The following FHIP1B variants were observed in gnomAD, a reference collection of about 807,000 sequenced individuals.
The protein encoded by FHIP1B is FHF complex subunit HOOK-interacting protein 1B.
Under a neutral mutation model 82.2 loss-of-function variants are expected in FHIP1B, and 28 were observed. That is an observed-to-expected ratio of 0.34 (90% CI 0.25 to 0.47). The LOEUF is 0.47. Among genes scored for constraint, FHIP1B ranks in the 20% least tolerant of loss-of-function variants. FHIP1B has a pLI of 1.00. For missense variants in FHIP1B, 1,110 were observed against 1,262.6 expected (o/e 0.88, Z 1.83); for synonymous variants, 585 against 516.1 (o/e 1.13, Z -1.81).
intron 7 of FHIP1B, 77 bp downstream of exon 7, chr11:6,218,894 T>A: frequency 1.3e-6 from 2 of 1,569,476 alleles, no homozygotes; most frequent in South Asian, 1.1e-5. Context: ...AACCCCTATA[T>A]AGCCCATTGC....
At chr11:6,231,638 T>A (rs1241470299) in intron 1 of FHIP1B, among the ~76,000 whole-genome samples, 1 of 151,792 alleles carries the variant, frequency 6.6e-6, no homozygotes, top group East Asian at 1.9e-4. Flanking sequence ...ACCTGGCTAA[T>A]TTTTGGTGGG....
At chr11:6,219,547 T>C (rs1014616099) in intron 6 of FHIP1B, among the ~76,000 whole-genome samples, 1 of 152,108 alleles carries the variant, frequency 6.6e-6, no homozygotes, top group Non-Finnish European at 1.5e-5. Flanking sequence ...AAACATGAAG[T>C]CTGAGTCACC....
At chr11:6,218,260 A>C in intron 8 of FHIP1B, 110 bp from the exon 9 acceptor site, 1 of 1,416,674 alleles carries the variant, frequency 7.1e-7, no homozygotes. Flanking sequence ...GAAACATGGA[A>C]TCTATTCAGA....
chr11:6,216,162 A>G (rs1338067595), intron 9 of FHIP1B, among the ~76,000 whole-genome samples: 1 of 152,256 alleles, frequency 6.6e-6, no homozygotes, highest in Non-Finnish European at 1.5e-5. Context: ...AACAGAGCAG[A>G]GGCTAAATAA....
chr11:6,218,896 G>T (rs551678500), intron 7 of FHIP1B, 75 bp downstream of exon 7: 2 of 1,554,132 alleles, frequency 1.3e-6, no homozygotes, highest in Non-Finnish European at 1.8e-6. Flanking sequence ...CCCCTATATA[G>T]CCCATTGCCC....
intron 1 of FHIP1B, among the ~76,000 whole-genome samples, chr11:6,229,163 C>G (rs986231728): frequency 7.9e-5 from 12 of 152,130 alleles, no homozygotes; most frequent in Non-Finnish European, 1.3e-4. Context: ...GACAATCAAA[C>G]AAGAATAATA....
chr11:6,214,995 C>T, intron 9 of FHIP1B, 84 bp from the exon 10 acceptor site: 1 of 1,294,840 alleles, frequency 7.7e-7, no homozygotes. Context: ...AACAAGAGAC[C>T]CCCACCAGAT....
chr11:6,213,836 T>C (rs1486454369), intron 11 of FHIP1B, among the ~76,000 whole-genome samples: 3 of 152,046 alleles, frequency 2.0e-5, no homozygotes, highest in Non-Finnish European at 2.9e-5. Context: ...TCTTTTCTCC[T>C]AGCTTGACTG....
chr11:6,224,317 A>G (rs1590628441), intron 2 of FHIP1B, 62 bp downstream of exon 2: 1 of 1,614,204 alleles, frequency 6.2e-7, no homozygotes, highest in South Asian at 1.1e-5. Context: ...TGAGGAGAAT[A>G]TAGAAGGCTG....
At chr11:6,224,286 T>C (rs755922742) in intron 2 of FHIP1B, 38 bp from the exon 3 acceptor site, 1 of 1,613,568 alleles carries the variant, frequency 6.2e-7, no homozygotes, top group South Asian at 1.1e-5. Flanking sequence ...GAATCTAAAT[T>C]GATAAGGTTA....
At chr11:6,217,327 T>G (rs370706455) in intron 9 of FHIP1B, 44 bp downstream of exon 9, 2 of 1,558,990 alleles carry the variant, frequency 1.3e-6, no homozygotes, top group Non-Finnish European at 1.8e-6. Flanking sequence ...GTCGAGAACA[T>G]GCAAAGAGTA....
At position 6,217,939 on chromosome 11, in the gene FHIP1B, G is replaced by A. The variant is rs769501783; in HGVS notation, c.1647C>T (p.Asp549=). 2 of 1,612,872 alleles carry A rather than the reference G, an allele frequency of 1.2e-6. No individual in the cohort carries two copies. The highest frequency in any genetic ancestry group is 1.7e-6 in the Non-Finnish European group (2 of 1,180,034). Residue 549 remains aspartate, a synonymous_variant, in exon 9 of 12, where the codon GAC becomes GAT. Transcript: ENST00000449352. The part of the protein sequence containing the change: ...TPAEEPGELE[D]NYLEYLREAR... ...CCTCACGCAGATACTCCAGGTAATT[G>A]TCTTCCAGCTCTCCAGGCTCCTCTG...
At chr11:6,218,524 T>G in intron 8 of FHIP1B, 76 bp downstream of exon 8, 2 of 1,582,392 alleles carry the variant, frequency 1.3e-6, no homozygotes, top group Non-Finnish European at 1.7e-6. Context: ...CCCCAGCCCC[T>G]CCTTGCTACG....
intron 1 of FHIP1B, among the ~76,000 whole-genome samples, chr11:6,224,910 G>T (rs1332599451): frequency 6.6e-6 from 1 of 152,174 alleles, no homozygotes; most frequent in Non-Finnish European, 1.5e-5. Flanking sequence ...AAAAGAAAAT[G>T]ATACCAAAAT....
At position 6,218,975 on chromosome 11, in the gene FHIP1B, G is replaced by A. The variant is rs1590617935; in HGVS notation, c.1267C>T (p.Leu423Phe). The A allele has an allele frequency of 3.1e-6, 5 of 1,613,942 alleles. No individual in the cohort carries two copies. The highest frequency in any genetic ancestry group is 4.2e-6 in the Non-Finnish European group (5 of 1,179,898). Residue 423 changes from leucine to phenylalanine, a missense_variant, in exon 7 of 12, where the codon CTC becomes TTC. Transcript: ENST00000449352. ...CAGCCCTGCCCCAACAGATACCTGA[G>A]AACCAGCTGCAGCAGGACATCCTCA... ...SCEDVLLQLVLRYLVPCNHVM... is the reference protein window; with the variant it reads ...SCEDVLLQLVFRYLVPCNHVM...
At position 6,217,888 on chromosome 11, in the gene FHIP1B, G is replaced by C; in HGVS notation, c.1698C>G (p.Val566=). Residue 566 remains valine (V), a synonymous_variant, in exon 9 of 12, where the codon GTC becomes GTG. Transcript: ENST00000449352. The part of the protein sequence containing the change: ...REARRGVDRC[V]RACRTWSAPY... Reference sequence around the variant, plus strand: ...GGGCAGACCAGGTACGGCAGGCTCGGACACAGCGGTCCACACCACGACGTG... The same window carrying C: ...GGGCAGACCAGGTACGGCAGGCTCGCACACAGCGGTCCACACCACGACGTG... The C allele has an allele frequency of 1.2e-6, 2 of 1,613,266 alleles. No homozygotes were observed. The highest frequency in any genetic ancestry group is 8.5e-7 in the Non-Finnish European group (1 of 1,180,020).
chr11:6,221,660 C>T (rs1291196831), intron 6 of FHIP1B, among the ~76,000 whole-genome samples: 1 of 152,084 alleles, frequency 6.6e-6, no homozygotes, highest in Non-Finnish European at 1.5e-5. Context: ...GCATGCTGTT[C>T]CCCTTGCTTT....
intron 9 of FHIP1B, 59 bp from the exon 10 acceptor site, chr11:6,214,970 C>T (rs955132346): frequency 1.3e-5 from 19 of 1,423,334 alleles, no homozygotes; most frequent in African/African-American, 1.0e-4. Flanking sequence ...GCACATCGCA[C>T]GCATTCCTCC....
intron 9 of FHIP1B, chr11:6,215,454 G>C (rs990776893): frequency 1.3e-5 from 2 of 152,188 alleles, no homozygotes; most frequent in African/African-American, 4.8e-5. Context: ...AAAAGAATTA[G>C]GTTCCACAAA....
Sources: allele counts gnomAD v4.1 joint callset (sites outside exome capture counted in the v4.1 genomes callset), GRCh38; gene constraint gnomAD v4.1.1; transcripts MANE v1.5; gene names NCBI Gene and HGNC (gene_info 2026-07-23, HGNC 2026-07-21).